TM6SF1: variants seen among roughly 807,000 people sequenced by gnomAD.
TM6SF1 encodes the protein transmembrane 6 superfamily member 1.
In TM6SF1, 43 loss-of-function variants were observed where a neutral mutation model predicts 47.1. The ratio of observed to expected loss-of-function variants is 0.91; its 90% confidence interval spans 0.72 to 1.18. The LOEUF (loss-of-function observed/expected upper bound fraction) is 1.18, where lower values mean the gene tolerates loss of function less well. Among genes scored for constraint, TM6SF1 ranks in the 50% most tolerant of loss-of-function variants. The pLI, the probability that TM6SF1 is intolerant of heterozygous loss-of-function variation, is 0.00. For synonymous variants in TM6SF1, 177 were observed against 166.3 expected, an observed-to-expected ratio of 1.06 and a Z score of -0.49; for missense variants, 390 against 449.0, an observed-to-expected ratio of 0.87 and a Z score of 1.19.
intron 4 of TM6SF1, 148 bp downstream of exon 4, chr15:83,119,829 ATCC>A (rs1302912397): frequency 3.2e-5 from 42 of 1,292,322 alleles, no homozygotes; most frequent in Non-Finnish European, 2.8e-5. Flanking sequence ...ACGTGGCTTT[ATCC>A]TCCTTGTACC....
At chr15:83,124,912 C>T in intron 7 of TM6SF1, 136 bp downstream of exon 7, 1 of 737,020 alleles carries the variant, frequency 1.4e-6, no homozygotes, top group Middle Eastern at 3.3e-4. Flanking sequence ...CCATCAAAGC[C>T]TGGAGCCCTG....
Position 83,121,915 on chromosome 15 carries a change from T to C in TM6SF1, c.399-6T>C, listed in dbSNP as rs780115807. ...AGTCAAGATTTTTTTGTTGTTGTTG[T>C]TACAGGGAAACTTATAGAACCATTG... On this transcript the variant is annotated splice_polypyrimidine_tract_variant and splice_region_variant and intron_variant, in intron 4 of 9. Coordinates refer to ENST00000322019, the MANE Select transcript of TM6SF1 (RefSeq NM_023003.5). 3.1e-6 allele frequency: 5 copies of C among 1,594,632 alleles called. No individual in the cohort carries two copies. The South Asian group carries it at 4.7e-5, about 15-fold the overall frequency.
At chr15:83,115,799 G>T in intron 2 of TM6SF1, 46 bp from the exon 3 acceptor site, 1 of 1,263,336 alleles carries the variant, frequency 7.9e-7, no homozygotes, top group Admixed American at 1.7e-5. Context: ...TGTAGTAATT[G>T]TCTCCTGAGC....
At chr15:83,130,316 T>G (rs1179756058) in intron 9 of TM6SF1, 1 of 152,414 alleles carries the variant, frequency 6.6e-6, no homozygotes, top group Non-Finnish European at 1.5e-5. Context: ...AAGCTAAGCT[T>G]GCAGGTGGGC....
At chr15:83,127,647 A>G (rs531127818) in intron 9 of TM6SF1, 170 bp downstream of exon 9, 9 of 656,506 alleles carry the variant, frequency 1.4e-5, no homozygotes, top group East Asian at 5.9e-5. Flanking sequence ...TTTTATTTCA[A>G]TCTCACAATA....
chr15:83,118,250 C>T (rs376768604), intron 3 of TM6SF1, among the ~76,000 whole-genome samples: 1 of 151,928 alleles, frequency 6.6e-6, no homozygotes, highest in African/African-American at 2.4e-5. Context: ...CACACACACA[C>T]ACACACACAC....
At chr15:83,120,579 A>C (rs1596491875) in intron 4 of TM6SF1, among the ~76,000 whole-genome samples, 1 of 148,654 alleles carries the variant, frequency 6.7e-6, no homozygotes, top group Non-Finnish European at 1.5e-5. Flanking sequence ...GGTCAGCTCC[A>C]GCTAATTCTT....
chr15:83,112,923 CT>C, intron 2 of TM6SF1, 23 bp downstream of exon 2: 1 of 1,536,352 alleles, frequency 6.5e-7, no homozygotes, highest in Non-Finnish European at 9.0e-7. Context: ...AAAGGGAAAT[CT>C]TTTGTATCTG....
chr15:83,109,315 G>A (rs1755995045), intron 1 of TM6SF1, among the ~76,000 whole-genome samples: 1 of 152,136 alleles, frequency 6.6e-6, no homozygotes, highest in South Asian at 2.1e-4. Flanking sequence ...ATTTTGGAAG[G>A]TGAACAGATG....
At chr15:83,120,694 G>A (rs2035148127) in intron 4 of TM6SF1, among the ~76,000 whole-genome samples, 2 of 150,930 alleles carry the variant, frequency 1.3e-5, no homozygotes, top group Non-Finnish European at 3.0e-5. Flanking sequence ...CCTCAGCTGG[G>A]ACTACAGGCG....
chr15:83,127,280 G>A (rs1317387557), intron 8 of TM6SF1, 78 bp from the exon 9 acceptor site: 1 of 1,398,250 alleles, frequency 7.2e-7, no homozygotes, highest in South Asian at 1.6e-5. Context: ...AGATGAAAAT[G>A]TTTACTTTTT....
chr15:83,125,445 C>T (rs2035659288), intron 7 of TM6SF1, among the ~76,000 whole-genome samples: 1 of 152,166 alleles, frequency 6.6e-6, no homozygotes, highest in Non-Finnish European at 1.5e-5. Context: ...ACTACTTAAC[C>T]TCTTGGACTC....
Position 83,124,679 on chromosome 15 carries a change from A to C in TM6SF1, c.611A>C (p.Gln204Pro), listed in dbSNP as rs2035570508. The change falls in exon 7 of 10, where the codon CAA (glutamine) becomes CCA (proline). Residue 204 changes from glutamine to proline, a missense_variant. Transcript: ENST00000322019. ...GTACAAACTCTATTTTAGGTTATTCAAGAAGCCCAAGCGAAAGACCTGCTG... is the reference window on the plus strand; with the variant it reads ...GTACAAACTCTATTTTAGGTTATTCCAGAAGCCCAAGCGAAAGACCTGCTG... ...ENYNYPSKVI[Q>P]EAQAKDLLRR... 1.2e-6 allele frequency: 2 copies of C among 1,613,846 alleles called. No homozygotes were observed. The highest frequency in any genetic ancestry group is 4.5e-5 in the East Asian group (2 of 44,856).
intron 9 of TM6SF1, chr15:83,135,958 AAGG>A (rs1184195546): frequency 6.6e-6 from 1 of 152,244 alleles, no homozygotes; most frequent in African/African-American, 2.4e-5. Context: ...CTCTTGCTGC[AAGG>A]AGTAGATGAA....
Position 83,107,821 on chromosome 15 carries a change from G to C in TM6SF1, c.92+49G>C. 3 of 1,537,724 alleles carry C rather than the reference G, an allele frequency of 2.0e-6. No homozygotes were observed. The highest frequency in any genetic ancestry group is 1.2e-5 in the South Asian group (1 of 83,448). On this transcript the variant is annotated intron_variant, in intron 1 of 9. Coordinates refer to ENST00000322019, the MANE Select transcript of TM6SF1 (RefSeq NM_023003.5). This position sits in a 1 kb window ranked among gnomAD's most constrained non-coding sequence, Gnocchi z 5.6. ...GTCGCGCCGAGGGGCGGCGGGAGTTGGCTCGCCGCGACGGGAGCCTCGCAA... is the reference window on the plus strand; with the variant it reads ...GTCGCGCCGAGGGGCGGCGGGAGTTCGCTCGCCGCGACGGGAGCCTCGCAA...
In TM6SF1 at chr15:83,112,887, C is replaced by T. The variant is rs866607604; in HGVS notation, c.183C>T (p.Asp61=). The change falls in exon 2 of 10, where the codon GAC becomes GAT. Residue 61 remains aspartate, a synonymous_variant. Transcript: ENST00000322019. ...TCGTCAAAAGAAAACCACCCCGGGACCCACTGTTCTATGGTACGTCTCCAC... is the reference window on the plus strand; with the variant it reads ...TCGTCAAAAGAAAACCACCCCGGGATCCACTGTTCTATGGTACGTCTCCAC... ...RVLVKRKPPR[D]PLFYVYAVFG... is the part of the protein sequence containing the mutation. 9 of 1,613,552 alleles carry T rather than the reference C, an allele frequency of 5.6e-6. No individual in the cohort carries two copies. Among genetic ancestry groups the T allele is most frequent in the Non-Finnish European group, 7.6e-6 (9 of 1,179,464 alleles).
chr15:83,135,020 TG>T (rs1278845023), intron 9 of TM6SF1: 5 of 152,180 alleles, frequency 3.3e-5, no homozygotes, highest in Non-Finnish European at 5.9e-5. Flanking sequence ...CCAGGGGAGT[TG>T]TATCTGAGGG....
At position 83,119,701 on chromosome 15, in the gene TM6SF1, GT is replaced by G; in HGVS notation, c.398+21del. On this transcript the variant is annotated intron_variant, in intron 4 of 9. Transcript: ENST00000322019. ...ATGGGAGTAAGTCAGTTCACCTGGT[GT>G]GTGCCTTTGCCACCTTAGCAACCGA... 6.2e-7 allele frequency: 1 copy of G among 1,613,600 alleles called. No homozygotes were observed. The highest frequency in any genetic ancestry group is 8.5e-7 in the Non-Finnish European group (1 of 1,179,754).
At chr15:83,111,754 TGA>T in intron 1 of TM6SF1, 1 of 892,774 alleles carries the variant, frequency 1.1e-6, no homozygotes, top group Non-Finnish European at 1.3e-6. Flanking sequence ...GCTGGAGGTG[TGA>T]GAGGGAGAGT....
Sources: gnomAD v4.1 joint callset for allele counts (sites outside exome capture counted in the v4.1 genomes callset) on GRCh38, gnomAD v4.1.1 for gene constraint, Gnocchi (gnomAD v3.1) non-coding constraint, MANE v1.5 for transcripts, NCBI Gene and HGNC (gene_info 2026-07-23, HGNC 2026-07-21) for gene names.